Variants in EPHA5 observed in about 807,000 individuals in gnomAD.
EPHA5 encodes EPH receptor A5, also known as ephrin type-A receptor 5.
EPHA5 carries 60 observed loss-of-function variants against 105.0 expected under a neutral mutation model. The observed-to-expected ratio is 0.57, with a 90% confidence interval of 0.46 to 0.71. The LOEUF is 0.71. Ranked by LOEUF, EPHA5 falls within the 30% of genes least tolerant of loss-of-function variation. The pLI is 0.00. For missense variants in EPHA5, 1,218 were observed against 1,274.7 expected, an observed-to-expected ratio of 0.96 and a Z score of 0.68; for synonymous variants, 513 against 449.1, an observed-to-expected ratio of 1.14 and a Z score of -1.80.
At chr4:65,447,862 A>G (rs1361038739) in intron 5 of EPHA5, among the ~76,000 whole-genome samples, 1 of 152,176 alleles carries the variant, frequency 6.6e-6, no homozygotes, top group Non-Finnish European at 1.5e-5. Flanking sequence ...ATAAGAGGGA[A>G]AAGACATGAA....
intron 5 of EPHA5, among the ~76,000 whole-genome samples, chr4:65,481,108 T>G (rs960658803): frequency 2.6e-5 from 4 of 152,104 alleles, no homozygotes; most frequent in African/African-American, 9.6e-5. Flanking sequence ...CACCATAAAC[T>G]CATGAGAAAT....
At chr4:65,377,837 A>G (rs995457430) in intron 8 of EPHA5, among the ~76,000 whole-genome samples, 2 of 151,954 alleles carry the variant, frequency 1.3e-5, no homozygotes, top group Non-Finnish European at 2.9e-5. Flanking sequence ...GTGGCAGAAT[A>G]AAAGACATAA....
At chr4:65,355,715 C>T (rs1213972680) in intron 11 of EPHA5, among the ~76,000 whole-genome samples, 3 of 151,530 alleles carry the variant, frequency 2.0e-5, no homozygotes, top group Admixed American at 1.3e-4. Context: ...ATTATCCCAT[C>T]ATTTGCCCAG....
rs1717295307 is a variant in EPHA5 at position 65,361,337 on chromosome 4, G to A, written c.2173+3680C>T. 2.0e-5 allele frequency among the ~76,000 whole-genome samples: 3 copies of A among 151,650 alleles called. No homozygotes were observed. The South Asian group carries it at 6.2e-4, about 32-fold the overall frequency. ...TTAGGTCTGAGTGAAGTATCTCAAG[G>A]GGGCAGGGCAAGAATAAGGTAGAGT... On this transcript the variant is annotated intron_variant, in intron 11 of 16. Coordinates refer to ENST00000613740, the MANE Select transcript of EPHA5 (RefSeq NM_001281766.3).
At chr4:65,521,368 CT>C (rs1467971381) in intron 3 of EPHA5, among the ~76,000 whole-genome samples, 2 of 151,986 alleles carry the variant, frequency 1.3e-5, no homozygotes, top group Admixed American at 6.6e-5. Context: ...ACACCAGAGC[CT>C]GTCTTGAGGT....
intron 2 of EPHA5, among the ~76,000 whole-genome samples, chr4:65,614,451 T>C (rs897849657): frequency 6.6e-6 from 1 of 151,866 alleles, no homozygotes. Context: ...GAACTCTTGA[T>C]ATGATAAGGA....
intron 5 of EPHA5, among the ~76,000 whole-genome samples, chr4:65,481,272 T>A (rs181286705): frequency 1.5e-3 from 233 of 152,328 alleles, no homozygotes; most frequent in African/African-American, 5.2e-3. Flanking sequence ...GACATAGCTA[T>A]ACATCAAAAC....
At position 65,580,762 on chromosome 4, in the gene EPHA5, A is replaced by G. The variant is rs148616815; in HGVS notation, c.910+20879T>C. Among the ~76,000 whole-genome samples the G allele has an allele frequency of 6.0e-5, 9 of 149,564 alleles. No individual in the cohort carries two copies. The East Asian group carries it at 1.8e-3, about 29-fold the overall frequency. On this transcript the variant is annotated intron_variant, in intron 3 of 16. Coordinates refer to ENST00000613740, the MANE Select transcript of EPHA5 (RefSeq NM_001281766.3). Reference sequence around the variant, plus strand: ...AGACCCTTATCAGCCTGGAGATGGCACCAAAGGAATCTAAATAACACAGTT... The same window carrying G: ...AGACCCTTATCAGCCTGGAGATGGCGCCAAAGGAATCTAAATAACACAGTT...
At chr4:65,531,552 C>G (rs372158586) in intron 3 of EPHA5, among the ~76,000 whole-genome samples, 7 of 127,710 alleles carry the variant, frequency 5.5e-5, no homozygotes, top group Non-Finnish European at 1.2e-4. Context: ...GGAATCTGAT[C>G]ATAAAGAGGA....
chr4:65,669,706 G>T lies in EPHA5; in HGVS notation c.37C>A (p.Arg13=), dbSNP rs1232945971. ...GSGPRGAGRR[R]PPSGGGDTPI... is the part of the protein sequence containing the mutation. ...GTGTCGCCGCCGCCGCTTGGGGGCC[G>T]CCGGCGTCCCGCACCCCGGGGCCCC... is the stretch of plus-strand genomic sequence containing the variant. The change falls in exon 1 of 17, where the codon CGG becomes AGG. Residue 13 remains arginine, a synonymous_variant. Coordinates refer to ENST00000613740, the MANE Select transcript of EPHA5 (RefSeq NM_001281766.3). 7.7e-7 allele frequency: 1 copy of T among 1,293,106 alleles called. No homozygotes were observed. Among genetic ancestry groups the T allele is most frequent in the African/African-American group, 1.5e-5 (1 of 65,618 alleles). 80.1% of individuals were successfully genotyped at this position (1,293,106 alleles called of 1,614,324 possible).
intron 3 of EPHA5, among the ~76,000 whole-genome samples, chr4:65,564,544 T>G (rs1739336210): frequency 1.3e-5 from 2 of 151,796 alleles, no homozygotes; most frequent in South Asian, 4.1e-4. Flanking sequence ...TATAAGCATA[T>G]GTGCGTGTTA....
chr4:65,556,109 T>A (rs1738412415), intron 3 of EPHA5, among the ~76,000 whole-genome samples: 1 of 152,158 alleles, frequency 6.6e-6, no homozygotes, highest in African/African-American at 2.4e-5. Context: ...ATACCCTAGA[T>A]AAAATATCAG....
At chr4:65,554,240 A>G (rs1186936046) in intron 3 of EPHA5, among the ~76,000 whole-genome samples, 5 of 148,842 alleles carry the variant, frequency 3.4e-5, no homozygotes, top group African/African-American at 1.2e-4. Flanking sequence ...ACATGAATAT[A>G]CTTATAATAT....
At chr4:65,362,941 G>T in intron 11 of EPHA5, among the ~76,000 whole-genome samples, 1 of 151,660 alleles carries the variant, frequency 6.6e-6, no homozygotes, top group East Asian at 1.9e-4. Context: ...TGAACCAAAT[G>T]AAGAAACGTT....
Position 65,336,113 on chromosome 4 carries a change from C to A in EPHA5, c.2608G>T (p.Val870Leu), listed in dbSNP as rs2148814109. The change falls in exon 15 of 17, where the codon GTA (valine) becomes TTA (leucine). Residue 870 changes from valine (V) to leucine (L), a missense_variant. By Grantham distance (32) the Val-to-Leu change is conservative. Coordinates refer to ENST00000613740, the MANE Select transcript of EPHA5 (RefSeq NM_001281766.3). ...CTTGGCAGACGATAGCCTTCCTCTA[C>A]CGCTTTAATCACCTGTATAAAGCAA... is the stretch of plus-strand genomic sequence containing the variant. ...EMTNQDVIKA[V>L]EEGYRLPSPM... 1 of 1,610,374 alleles carries A rather than the reference C, an allele frequency of 6.2e-7. No individual in the cohort carries two copies. Among genetic ancestry groups the A allele is most frequent in the Non-Finnish European group, 8.5e-7 (1 of 1,178,156 alleles).
chr4:65,597,253 C>T (rs1743282492), intron 3 of EPHA5, among the ~76,000 whole-genome samples: 1 of 152,112 alleles, frequency 6.6e-6, no homozygotes, highest in Non-Finnish European at 1.5e-5. Flanking sequence ...TTATCTAGGG[C>T]TAATTTCAAA....
intron 1 of EPHA5, among the ~76,000 whole-genome samples, chr4:65,646,070 AAT>A (rs1748087944): frequency 6.6e-6 from 1 of 152,152 alleles, no homozygotes; most frequent in Non-Finnish European, 1.5e-5. Context: ...TGTATGTGCA[AAT>A]TTTAAAATAC....
chr4:65,557,709 A>G (rs1738595709), intron 3 of EPHA5, among the ~76,000 whole-genome samples: 1 of 152,120 alleles, frequency 6.6e-6, no homozygotes, highest in Non-Finnish European at 1.5e-5. Flanking sequence ...AAGAATACAT[A>G]GATGCAGCAA....
At chr4:65,551,652 C>A (rs1737933582) in intron 3 of EPHA5, among the ~76,000 whole-genome samples, 1 of 151,976 alleles carries the variant, frequency 6.6e-6, no homozygotes, top group Admixed American at 6.6e-5. Flanking sequence ...CCTAAAACAC[C>A]TTAATATGCT....
Sources: gnomAD v4.1 joint callset for allele counts (sites outside exome capture counted in the v4.1 genomes callset) on GRCh38, gnomAD v4.1.1 for gene constraint, MANE v1.5 for transcripts, NCBI Gene and HGNC (gene_info 2026-07-23, HGNC 2026-07-21) for gene names.